CCL28: variants seen among roughly 807,000 people sequenced by gnomAD.
CCL28 encodes the protein C-C motif chemokine ligand 28, also known as C-C motif chemokine 28.
In CCL28, 4 loss-of-function variants were observed where a neutral mutation model predicts 7.1. The ratio of observed to expected loss-of-function variants is 0.56; its 90% CI spans 0.28 to 1.29. The LOEUF is 1.29. Among genes scored for constraint, CCL28 ranks in the 50% most tolerant of loss-of-function variants. The probability of loss-of-function intolerance (pLI) is 0.11; values close to 1 mark genes in which losing one functional copy is unlikely to be tolerated. For synonymous variants in CCL28, 55 were observed against 57.8 expected, an observed-to-expected ratio of 0.95 and a Z score of 0.22; for missense variants, 151 against 163.4, an observed-to-expected ratio of 0.92 and a Z score of 0.41.
chr5:43,381,743 C>T lies in CCL28; in HGVS notation c.*117G>A, dbSNP rs1396929628. The T allele has an allele frequency of 1.2e-6, 1 of 853,698 alleles. No individual in the cohort carries two copies. Among genetic ancestry groups the T allele is most frequent in the Non-Finnish European group, 1.8e-6 (1 of 542,592 alleles). 52.9% of individuals were successfully genotyped at this position (853,698 alleles called of 1,614,324 possible). On this transcript the variant is annotated 3_prime_UTR_variant, in exon 3 of 3. Coordinates refer to ENST00000361115, the MANE Select transcript of CCL28 (RefSeq NM_148672.3). ...CGCACAATTGTTCATTTTTTAAAAA[C>T]CAATATTTTGTTTTGTTCTGTTGTC...
chr5:43,398,371 A>G (rs993325129), intron 1 of CCL28, among the ~76,000 whole-genome samples: 4 of 152,158 alleles, frequency 2.6e-5, no homozygotes, highest in Non-Finnish European at 5.9e-5. Flanking sequence ...CCACCGGTGC[A>G]CACCACCATG....
At chr5:43,400,970 C>A (rs1426789928) in intron 1 of CCL28, among the ~76,000 whole-genome samples, 1 of 151,760 alleles carries the variant, frequency 6.6e-6, no homozygotes, top group African/African-American at 2.4e-5. Flanking sequence ...GTAATCCCAG[C>A]TACTCAGGAG....
rs142239540 is a variant in CCL28, at chr5:43,393,644, C to T, written c.65-5168G>A. Among the ~76,000 whole-genome samples the T allele has an allele frequency of 6.5e-4, 99 of 152,280 alleles. 4 individuals carry two copies. In the South Asian group the frequency reaches 0.013, roughly 20 times the overall value. ...TGCTGGGATTACAGGCGTGAGCCAC[C>T]GCGCCCGGCCTCCTTTCCTCCATTC... On this transcript the variant is annotated intron_variant, in intron 1 of 2. Coordinates refer to ENST00000361115, the MANE Select transcript of CCL28 (RefSeq NM_148672.3).
At chr5:43,389,017 C>T (rs773619247) in intron 1 of CCL28, among the ~76,000 whole-genome samples, 3 of 152,200 alleles carry the variant, frequency 2.0e-5, no homozygotes, top group Middle Eastern at 3.4e-3. Flanking sequence ...AAGCCAGATT[C>T]GAAAGGCCAT....
chr5:43,377,666 A>G (rs190136701), downstream of CCL28, among the ~76,000 whole-genome samples: 446 of 145,476 alleles, frequency 3.1e-3, 1 homozygote, highest in Admixed American at 5.7e-3. Flanking sequence ...CAAAGAAATG[A>G]TACTTTAAGC....
intron 1 of CCL28, among the ~76,000 whole-genome samples, chr5:43,407,423 G>C (rs562433824): frequency 7.9e-5 from 12 of 152,314 alleles, no homozygotes; most frequent in African/African-American, 2.9e-4. Flanking sequence ...ATGGTGCTGG[G>C]AAAACTGGCT....
At chr5:43,377,750 TGA>T (rs1739943058), downstream of CCL28, among the ~76,000 whole-genome samples, 1 of 126,764 alleles carries the variant, frequency 7.9e-6, no homozygotes. Flanking sequence ...TTTTTTTTTT[TGA>T]GACGGAGTCT....
intron 1 of CCL28, among the ~76,000 whole-genome samples, chr5:43,392,032 A>G: frequency 6.6e-6 from 1 of 152,240 alleles, no homozygotes; most frequent in Non-Finnish European, 1.5e-5. Context: ...ATGTGTATCA[A>G]AATCAAATAC....
chr5:43,404,582 A>G (rs1268972589), intron 1 of CCL28, among the ~76,000 whole-genome samples: 1 of 152,244 alleles, frequency 6.6e-6, no homozygotes, highest in Non-Finnish European at 1.5e-5. Context: ...CATCGATGCT[A>G]GGAAGAAACT....
chr5:43,366,146 C>T, the CCL28 span, among the ~76,000 whole-genome samples: 1 of 152,150 alleles, frequency 6.6e-6, no homozygotes, highest in African/African-American at 2.4e-5. Flanking sequence ...TATTACCCAC[C>T]TTCTGAAGTC....
chr5:43,359,388 G>A, the CCL28 span, among the ~76,000 whole-genome samples: 4,459 of 152,288 alleles, frequency 0.029, 239 homozygotes, highest in African/African-American at 0.1. Context: ...GATGGGCTCT[G>A]GCTAGTTATC....
chr5:43,365,733 G>A, the CCL28 span, among the ~76,000 whole-genome samples: 6 of 152,162 alleles, frequency 3.9e-5, no homozygotes, highest in African/African-American at 7.2e-5. Context: ...AGTTCTCCTG[G>A]ATAATATCCT....
chr5:43,389,418 G>A (rs956976236), intron 1 of CCL28, among the ~76,000 whole-genome samples: 7 of 151,754 alleles, frequency 4.6e-5, no homozygotes, highest in African/African-American at 1.7e-4. Context: ...GATTTATCAC[G>A]TATCCACCCA....
At chr5:43,402,921 G>A (rs1034995603) in intron 1 of CCL28, among the ~76,000 whole-genome samples, 1 of 152,260 alleles carries the variant, frequency 6.6e-6, no homozygotes, top group Non-Finnish European at 1.5e-5. Context: ...TGCTAGCACA[G>A]CGGTCTGAGA....
At chr5:43,382,188 T>C in intron 2 of CCL28, 136 bp from the exon 3 acceptor site, 3 of 779,074 alleles carry the variant, frequency 3.9e-6, no homozygotes, top group Non-Finnish European at 3.9e-6. Flanking sequence ...CTGAATTAAG[T>C]GTAGAAATGA....
At chr5:43,406,129 C>T (rs1473603569) in intron 1 of CCL28, among the ~76,000 whole-genome samples, 3 of 152,110 alleles carry the variant, frequency 2.0e-5, no homozygotes, top group African/African-American at 4.8e-5. Context: ...AAGAGGGAAT[C>T]CTCCCTAACT....
downstream of CCL28, chr5:43,377,628 G>A (rs1208503697): frequency 1.3e-5 from 2 of 150,206 alleles, no homozygotes; most frequent in Admixed American, 1.3e-4. Context: ...CAAGCACTGG[G>A]ATGAGGAGAA....
the CCL28 span, among the ~76,000 whole-genome samples, chr5:43,369,206 G>T: frequency 6.6e-5 from 10 of 152,122 alleles, no homozygotes; most frequent in Admixed American, 6.5e-4. Flanking sequence ...AAGGGAAGGG[G>T]ATTGCTTAAG....
chr5:43,402,727 G>A (rs1741090604), intron 1 of CCL28, among the ~76,000 whole-genome samples: 2 of 152,362 alleles, frequency 1.3e-5, no homozygotes, highest in South Asian at 2.1e-4. Context: ...TCTCACCCAG[G>A]AAGTGCAAGG....
Sources: allele counts gnomAD v4.1 joint callset (sites outside exome capture counted in the v4.1 genomes callset), GRCh38; gene constraint gnomAD v4.1.1; transcripts MANE v1.5; gene names NCBI Gene and HGNC (gene_info 2026-07-23, HGNC 2026-07-21).